TRMT9B: variants seen among roughly 807,000 people sequenced by gnomAD.
The protein encoded by TRMT9B is tRNA methyltransferase 9B (putative).
Under a neutral mutation model 11.5 loss-of-function variants are expected in TRMT9B, and 16 were observed. The observed-to-expected ratio is 1.39, with a 90% CI of 0.94 to 2.11. The LOEUF is 2.11. Ranked by LOEUF, TRMT9B falls within the 30% of genes most tolerant of loss-of-function variation. The probability of loss-of-function intolerance (pLI) is 0.00; values close to 1 mark genes in which losing one functional copy is unlikely to be tolerated. For synonymous variants in TRMT9B, 274 were observed against 192.4 expected, an observed-to-expected ratio of 1.42 and a Z score of -3.51; for missense variants, 941 against 553.8, an observed-to-expected ratio of 1.70 and a Z score of -7.02.
chr8:12,997,284 C>T (rs988045443), intron 2 of TRMT9B, among the ~76,000 whole-genome samples: 2 of 131,886 alleles, frequency 1.5e-5, no homozygotes, highest in Non-Finnish European at 3.6e-5. Flanking sequence ...TCTATCAGTT[C>T]ACATGAGAGC....
chr8:12,946,835 A>C (rs570034279), intron 1 of TRMT9B, among the ~76,000 whole-genome samples: 2 of 152,224 alleles, frequency 1.3e-5, no homozygotes, highest in South Asian at 4.1e-4. Flanking sequence ...ATAAAACCCT[A>C]TAAGAGAAGA....
chr8:12,967,402 A>C (rs1802966874), intron 1 of TRMT9B, among the ~76,000 whole-genome samples: 1 of 152,236 alleles, frequency 6.6e-6, no homozygotes, highest in South Asian at 2.1e-4. Flanking sequence ...TAGCTCCCCT[A>C]CAAAGACTGA....
chr8:12,977,320 A>G (rs890303562), intron 1 of TRMT9B, among the ~76,000 whole-genome samples: 37 of 152,198 alleles, frequency 2.4e-4, no homozygotes, highest in African/African-American at 1.4e-4. Flanking sequence ...GTGCACACAG[A>G]TAACCGTCAA....
intron 3 of TRMT9B, chr8:13,010,583 G>A (rs2128893523): frequency 1.0e-6 from 1 of 985,256 alleles, no homozygotes; most frequent in East Asian, 1.1e-4. Context: ...AAGAGTTCTA[G>A]GGCACTGGAA....
At position 13,023,414 on chromosome 8, in the gene TRMT9B, T is replaced by G. The variant is rs778346685; in HGVS notation, c.*1370T>G. ...GGTGACTACATTTTATTAGTTATAT[T>G]AGGAATTTAGGTAGAATCAACTTCT... On this transcript the variant is annotated 3_prime_UTR_variant, in exon 5 of 5. Transcript: ENST00000524591. 3.0e-5 allele frequency: 5 copies of G among 167,086 alleles called. No individual in the cohort carries two copies. Among genetic ancestry groups the G allele is most frequent in the Non-Finnish European group, 7.3e-5 (5 of 68,122 alleles). The allele number at this position is 167,086 out of a possible 1,614,324, so 10.4% of individuals were successfully genotyped here.
intron 4 of TRMT9B, among the ~76,000 whole-genome samples, chr8:13,019,279 T>C (rs1318761562): frequency 6.6e-6 from 1 of 152,176 alleles, no homozygotes; most frequent in Non-Finnish European, 1.5e-5. Flanking sequence ...GATACATTTA[T>C]ATGAGTGTGT....
intron 1 of TRMT9B, among the ~76,000 whole-genome samples, chr8:12,989,948 GA>G (rs1354658255): frequency 6.6e-6 from 1 of 152,230 alleles, no homozygotes; most frequent in Non-Finnish European, 1.5e-5. Context: ...AGACTAGAGA[GA>G]AGTTTTCCAA....
chr8:13,012,605 T>C (rs1267230328), intron 3 of TRMT9B, 79 bp from the exon 4 acceptor site: 9 of 1,467,342 alleles, frequency 6.1e-6, no homozygotes, highest in African/African-American at 2.8e-5. Flanking sequence ...AGGTTAATTA[T>C]ATTTCTTGTT....
At chr8:12,983,981 T>C (rs142978489) in intron 1 of TRMT9B, among the ~76,000 whole-genome samples, 39 of 152,264 alleles carry the variant, frequency 2.6e-4, no homozygotes, top group African/African-American at 8.9e-4. Flanking sequence ...AATAAGTATA[T>C]GAACATGATT....
At position 12,986,141 on chromosome 8, in the gene TRMT9B, C is replaced by A. The variant is rs374191830; in HGVS notation, c.-199-4693C>A. 4.6e-5 allele frequency among the ~76,000 whole-genome samples: 7 copies of A among 152,266 alleles called. No homozygotes were observed. In the East Asian group the frequency reaches 1.2e-3, roughly 25 times the overall value. On this transcript the variant is annotated intron_variant, in intron 1 of 4. Coordinates refer to ENST00000524591, the MANE Select transcript of TRMT9B (RefSeq NM_020844.3). ...CCTCCCAAAGTGCTGGGATTACAGG[C>A]ATGAGCCACTGTGCCCAGTCAATGA...
rs999498097 is a variant in TRMT9B, at chr8:13,023,300, T to C, written c.*1256T>C. On this transcript the variant is annotated 3_prime_UTR_variant, in exon 5 of 5. Transcript: ENST00000524591. Reference sequence around the variant, plus strand: ...GATTTTAGCTCTGAGAACAAACAAATTAAGGTACAGCATAGTTAGCCTTGG... The same window carrying C: ...GATTTTAGCTCTGAGAACAAACAAACTAAGGTACAGCATAGTTAGCCTTGG... 3.0e-5 allele frequency: 5 copies of C among 167,102 alleles called. No individual in the cohort carries two copies. The highest frequency in any genetic ancestry group is 4.8e-5 in the African/African-American group (2 of 41,470). 10.4% of individuals were successfully genotyped at this position (167,102 alleles called of 1,614,324 possible).
At chr8:13,015,566 CTGGTCCT>C (rs148438371) in intron 4 of TRMT9B, among the ~76,000 whole-genome samples, 63,618 of 151,412 alleles carry the variant, frequency 0.42, 13,813 homozygotes, top group East Asian at 0.6. Flanking sequence ...ATTGTCCAGG[CTGGTCCT>C]GAAGTCCAGG....
chr8:13,018,530 T>C (rs112898863), intron 4 of TRMT9B, among the ~76,000 whole-genome samples: 6,028 of 152,196 alleles, frequency 0.04, 140 homozygotes, highest in Non-Finnish European at 0.051. Flanking sequence ...TTTTGTCTTA[T>C]ACCACCCCCC....
intron 1 of TRMT9B, among the ~76,000 whole-genome samples, chr8:12,948,185 C>G (rs1436577457): frequency 6.6e-6 from 1 of 152,140 alleles, no homozygotes; most frequent in African/African-American, 2.4e-5. Context: ...GTGCTCAGAA[C>G]ACTTACATTA....
At chr8:12,947,505 C>G (rs187381527) in intron 1 of TRMT9B, among the ~76,000 whole-genome samples, 1 of 152,316 alleles carries the variant, frequency 6.6e-6, no homozygotes, top group Admixed American at 6.5e-5. Context: ...CCTTAGACCA[C>G]GTCCTTGAAT....
chr8:13,018,204 C>G (rs1221376790), intron 4 of TRMT9B, among the ~76,000 whole-genome samples: 1 of 150,628 alleles, frequency 6.6e-6, no homozygotes, highest in East Asian at 2.0e-4. Context: ...GAGTTCGATA[C>G]CAGCCTGGGC....
rs532223821 is a variant in TRMT9B, at chr8:12,993,445, C to G, written c.-2+2414C>G. Reference sequence around the variant, plus strand: ...TGTAAGAATGTATTGTGTCTCCAGCCAAGTGGACATTAACAGAGAAGGTTG... The same window carrying G: ...TGTAAGAATGTATTGTGTCTCCAGCGAAGTGGACATTAACAGAGAAGGTTG... On this transcript the variant is annotated intron_variant, in intron 2 of 4. Coordinates refer to ENST00000524591, the MANE Select transcript of TRMT9B (RefSeq NM_020844.3). Among the ~76,000 whole-genome samples, 3 of 152,232 alleles carry G rather than the reference C, an allele frequency of 2.0e-5. No individual in the cohort carries two copies. In the East Asian group the frequency reaches 5.8e-4, roughly 29 times the overall value.
intron 1 of TRMT9B, among the ~76,000 whole-genome samples, chr8:12,970,940 A>T (rs1053065608): frequency 2.0e-5 from 3 of 152,230 alleles, no homozygotes; most frequent in Admixed American, 6.5e-5. Context: ...GCTCAGTCTT[A>T]AAAGAGGAGA....
chr8:13,010,526 T>G (rs1811394960), intron 3 of TRMT9B: 1 of 984,284 alleles, frequency 1.0e-6, no homozygotes, highest in South Asian at 4.7e-5. Context: ...ATTGTTCACA[T>G]TCAAGATTTA....
Sources: allele counts gnomAD v4.1 joint callset (sites outside exome capture counted in the v4.1 genomes callset), GRCh38; gene constraint gnomAD v4.1.1; transcripts MANE v1.5; gene names NCBI Gene and HGNC (gene_info 2026-07-23, HGNC 2026-07-21).